PHF14: variants seen among roughly 807,000 people sequenced by gnomAD.
PHF14 encodes PHD finger protein 14.
A neutral mutation model predicts 117.9 loss-of-function variants in PHF14; 55 were observed. That is an observed-to-expected ratio of 0.47 (90% CI 0.38 to 0.58). The LOEUF is 0.58. Among genes scored for constraint, PHF14 ranks in the 20% least tolerant of loss-of-function variants. The pLI is 0.00. For synonymous variants in PHF14, 409 were observed against 368.6 expected (o/e 1.11, Z -1.26); for missense variants, 978 against 1,122.2 (o/e 0.87, Z 1.84).
At chr7:11,116,240 G>A (rs183495644) in intron 17 of PHF14, among the ~76,000 whole-genome samples, 5 of 151,978 alleles carry the variant, frequency 3.3e-5, no homozygotes, top group Non-Finnish European at 7.4e-5. Context: ...GGTCTTCCAG[G>A]CTCAGCTTAT....
At position 11,035,110 on chromosome 7, in the gene PHF14, G is replaced by GA. The variant is rs34240680; in HGVS notation, c.1456-519dup. Among the ~76,000 whole-genome samples, 574 of 138,200 alleles carry GA rather than the reference G, an allele frequency of 4.2e-3. 2 individuals carry two copies. The highest frequency in any genetic ancestry group is 9.6e-3 in the African/African-American group (362 of 37,838). The allele number at this position is 138,200 out of a possible 152,430, so 90.7% of individuals were successfully genotyped here. On this transcript the variant is annotated intron_variant, in intron 7 of 17. Transcript: ENST00000634607. ...AACCAACTGCAGATCGAAAATGTTT[G>GA]AAAAAAAAAAAGCGTAATAAAAAAG... is the stretch of plus-strand genomic sequence containing the variant.
chr7:11,083,608 C>T (rs906595763), intron 16 of PHF14, among the ~76,000 whole-genome samples: 1 of 151,530 alleles, frequency 6.6e-6, no homozygotes, highest in African/African-American at 2.4e-5. Context: ...TTACAGGTGC[C>T]CGCCACTACG....
intron 7 of PHF14, among the ~76,000 whole-genome samples, chr7:11,032,692 A>C (rs949889235): frequency 6.6e-6 from 1 of 152,146 alleles, no homozygotes; most frequent in Non-Finnish European, 1.5e-5. Context: ...AGCATTTACT[A>C]ACTGCTTCTC....
chr7:11,162,700 C>CTT (rs5882294), intron 17 of PHF14, among the ~76,000 whole-genome samples: 12 of 127,934 alleles, frequency 9.4e-5, no homozygotes, highest in African/African-American at 1.5e-4. Context: ...AATCCAAAGT[C>CTT]TTTTTTTTTT....
intron 7 of PHF14, among the ~76,000 whole-genome samples, chr7:11,031,443 ACAT>A (rs1380070949): frequency 1.3e-5 from 2 of 152,086 alleles, no homozygotes; most frequent in Non-Finnish European, 2.9e-5. Flanking sequence ...TTATGACACA[ACAT>A]CTTATTTTTA....
chr7:10,989,534 T>A (rs1417960442), intron 3 of PHF14, among the ~76,000 whole-genome samples: 8 of 152,230 alleles, frequency 5.3e-5, no homozygotes, highest in African/African-American at 1.9e-4. Context: ...CTTAACTTAC[T>A]TAAAGTTTAA....
chr7:10,986,930 A>C (rs897261098), intron 3 of PHF14, among the ~76,000 whole-genome samples: 1 of 152,178 alleles, frequency 6.6e-6, no homozygotes, highest in African/African-American at 2.4e-5. Flanking sequence ...GACAGTTTGG[A>C]TTTTGGATTA....
chr7:11,015,994 C>T (rs1166641498), intron 5 of PHF14, among the ~76,000 whole-genome samples: 1 of 152,044 alleles, frequency 6.6e-6, no homozygotes, highest in African/African-American at 2.4e-5. Context: ...AGGACACTGT[C>T]AAGTAGTGGT....
intron 2 of PHF14, among the ~76,000 whole-genome samples, chr7:10,975,928 C>G (rs189114113): frequency 2.6e-5 from 4 of 152,228 alleles, no homozygotes; most frequent in Admixed American, 1.3e-4. Context: ...ATTACTGTTG[C>G]TACTTTTAGT....
At chr7:11,152,881 C>G (rs970843319) in intron 17 of PHF14, among the ~76,000 whole-genome samples, 1 of 152,156 alleles carries the variant, frequency 6.6e-6, no homozygotes, top group Non-Finnish European at 1.5e-5. Context: ...GAAACACCTA[C>G]TGCATTTTGT....
intron 16 of PHF14, among the ~76,000 whole-genome samples, chr7:11,090,139 A>AGT (rs1230880268): frequency 2.0e-5 from 3 of 152,188 alleles, no homozygotes; most frequent in African/African-American, 7.2e-5. Context: ...TGAAGCCTCA[A>AGT]GTGTGATTTA....
At chr7:11,123,583 C>T (rs1247058016) in intron 17 of PHF14, among the ~76,000 whole-genome samples, 1 of 152,090 alleles carries the variant, frequency 6.6e-6, no homozygotes, top group Non-Finnish European at 1.5e-5. Flanking sequence ...AGTTCGAGAC[C>T]AGCCTAGTCA....
intron 4 of PHF14, among the ~76,000 whole-genome samples, chr7:10,993,093 T>C (rs1782519080): frequency 6.6e-6 from 1 of 152,170 alleles, no homozygotes; most frequent in African/African-American, 2.4e-5. Flanking sequence ...TTACTATTAC[T>C]TTTTTTCTCA....
intron 17 of PHF14, among the ~76,000 whole-genome samples, chr7:11,139,796 A>C (rs1788347932): frequency 6.6e-6 from 1 of 152,158 alleles, no homozygotes; most frequent in Non-Finnish European, 1.5e-5. Flanking sequence ...TAAAAAGGTA[A>C]ATGTTTATAG....
At chr7:11,150,486 T>C (rs912174719) in intron 17 of PHF14, among the ~76,000 whole-genome samples, 2 of 152,078 alleles carry the variant, frequency 1.3e-5, no homozygotes, top group Non-Finnish European at 2.9e-5. Flanking sequence ...ATTCACGACA[T>C]AACTACTGAA....
chr7:11,036,390 T>C (rs1178173875), intron 8 of PHF14, 28 bp from the exon 9 acceptor site: 2 of 1,530,900 alleles, frequency 1.3e-6, no homozygotes, highest in Non-Finnish European at 8.9e-7. Context: ...TTATTATCTT[T>C]TAAAATTTGA....
intron 17 of PHF14, among the ~76,000 whole-genome samples, chr7:11,117,930 C>T (rs1305319375): frequency 1.3e-5 from 2 of 151,720 alleles, no homozygotes; most frequent in Non-Finnish European, 3.0e-5. Context: ...TTTTATCTGA[C>T]ATTAGATTGA....
At chr7:11,128,361 C>T (rs545948747) in intron 17 of PHF14, among the ~76,000 whole-genome samples, 5 of 151,942 alleles carry the variant, frequency 3.3e-5, no homozygotes, top group African/African-American at 4.8e-5. Flanking sequence ...CTCCTCTCAG[C>T]CTTAAAAAAA....
rs572154757 is a variant in PHF14 at position 11,022,195 on chromosome 7, C to T, written c.1206-673C>T. Among the ~76,000 whole-genome samples, 7 of 152,160 alleles carry T rather than the reference C, an allele frequency of 4.6e-5. No homozygotes were observed. In the South Asian group the frequency reaches 1.0e-3, roughly 23 times the overall value. On this transcript the variant is annotated intron_variant, in intron 5 of 17. Coordinates refer to ENST00000634607, the MANE Select transcript of PHF14 (RefSeq NM_001007157.2). ...AGCATTCTTTGTTTTAGTCTTATAG[C>T]ATCATTCAAACTTTAATAAATATTT...
Sources: allele counts gnomAD v4.1 joint callset (sites outside exome capture counted in the v4.1 genomes callset), GRCh38; gene constraint gnomAD v4.1.1; transcripts MANE v1.5; gene names NCBI Gene and HGNC (gene_info 2026-07-23, HGNC 2026-07-21).